The following NRG1 variants were observed in gnomAD, a reference collection of about 807,000 sequenced individuals.
NRG1 encodes pro-neuregulin-1, membrane-bound isoform.
A neutral mutation model predicts 63.8 loss-of-function variants in NRG1; 18 were observed. That is an observed-to-expected ratio of 0.28 (90% CI 0.19 to 0.42). NRG1 has a LOEUF of 0.42. Among genes scored for constraint, NRG1 ranks in the 10% least tolerant of loss-of-function variants. The probability of loss-of-function intolerance (pLI) is 1.00; values close to 1 mark genes in which losing one functional copy is unlikely to be tolerated. For synonymous variants in NRG1, 302 were observed against 301.3 expected (o/e 1.00, Z -0.02); for missense variants, 762 against 814.7 (o/e 0.94, Z 0.79).
intron 5 of NRG1, among the ~76,000 whole-genome samples, chr8:32,678,804 T>G (rs2128911372): frequency 6.6e-6 from 1 of 152,294 alleles, no homozygotes; most frequent in South Asian, 2.1e-4. Context: ...CCCAGACTAG[T>G]ACAAAAGTAA....
At chr8:32,525,388 A>AGGG (rs201620757) in intron 1 of NRG1, among the ~76,000 whole-genome samples, 2 of 114,222 alleles carry the variant, frequency 1.8e-5, no homozygotes, top group East Asian at 3.1e-4. Context: ...AGCATGAGGT[A>AGGG]GGGGTGTGTG....
At chr8:32,771,715 A>AAAAAAAAAT (rs1343943621), downstream of NRG1, among the ~76,000 whole-genome samples, 1,025 of 111,754 alleles carry the variant, frequency 9.2e-3, 16 homozygotes, top group East Asian at 0.067. Flanking sequence ...TTAAAAAAAA[A>AAAAAAAAAT]ATATATATAT....
chr8:32,458,612 A>C (rs1246030866), intron 1 of NRG1, among the ~76,000 whole-genome samples: 1 of 152,100 alleles, frequency 6.6e-6, no homozygotes, highest in Admixed American at 6.6e-5. Context: ...TATTTTCATC[A>C]TGTGTAGATA....
intron 5 of NRG1, among the ~76,000 whole-genome samples, chr8:32,717,082 TAA>T (rs1157334292): frequency 6.6e-6 from 1 of 152,114 alleles, no homozygotes; most frequent in African/African-American, 2.4e-5. Flanking sequence ...AGGCATAATG[TAA>T]AGTTAATTTA....
At chr8:31,916,083 C>T (rs1051370319) in intron 1 of NRG1, among the ~76,000 whole-genome samples, 2 of 151,856 alleles carry the variant, frequency 1.3e-5, no homozygotes, top group Non-Finnish European at 1.5e-5. Flanking sequence ...ATTTTGATAT[C>T]CCCCAAAGAA....
chr8:32,282,269 CCT>C (rs1563267172), intron 1 of NRG1, among the ~76,000 whole-genome samples: 1 of 152,086 alleles, frequency 6.6e-6, no homozygotes, highest in East Asian at 1.9e-4. Context: ...CTCTCCATCC[CCT>C]CTCTCTCTGT....
chr8:32,427,861 A>G (rs1000831935), intron 1 of NRG1, among the ~76,000 whole-genome samples: 1 of 152,244 alleles, frequency 6.6e-6, no homozygotes, highest in Non-Finnish European at 1.5e-5. Context: ...CAATATGAAC[A>G]GGGGCGGTTT....
At chr8:31,708,279 G>A (rs1177272809) in intron 1 of NRG1, among the ~76,000 whole-genome samples, 1 of 152,124 alleles carries the variant, frequency 6.6e-6, no homozygotes, top group Non-Finnish European at 1.5e-5. Context: ...CAGGAAACCA[G>A]AAGTGATGGC....
At chr8:31,645,105 C>T (rs1804167647) in intron 1 of NRG1, among the ~76,000 whole-genome samples, 1 of 152,044 alleles carries the variant, frequency 6.6e-6, no homozygotes, top group Admixed American at 6.5e-5. Context: ...AGTTTTCAAC[C>T]AATATATGAA....
intron 1 of NRG1, among the ~76,000 whole-genome samples, chr8:31,778,427 A>G (rs1463583056): frequency 6.6e-6 from 1 of 152,128 alleles, no homozygotes; most frequent in African/African-American, 2.4e-5. Context: ...TCTTGCTCTT[A>G]TCTGCATTTA....
intron 1 of NRG1, among the ~76,000 whole-genome samples, chr8:31,942,248 C>G (rs945106247): frequency 6.6e-6 from 1 of 151,922 alleles, no homozygotes; most frequent in Non-Finnish European, 1.5e-5. Flanking sequence ...ACTTACAGCC[C>G]ACTGATATTC....
intron 1 of NRG1, among the ~76,000 whole-genome samples, chr8:31,915,530 A>G (rs1050010744): frequency 1.3e-5 from 2 of 152,184 alleles, no homozygotes; most frequent in African/African-American, 4.8e-5. Flanking sequence ...GTTATGTCTT[A>G]GCTGAACTTG....
chr8:31,742,864 C>A (rs751679547), intron 1 of NRG1, among the ~76,000 whole-genome samples: 1 of 151,936 alleles, frequency 6.6e-6, no homozygotes, highest in African/African-American at 2.4e-5. Context: ...CATTTTCCTC[C>A]ATATGCTGTT....
intron 1 of NRG1, among the ~76,000 whole-genome samples, chr8:31,916,861 C>A (rs1833435074): frequency 6.6e-6 from 1 of 151,442 alleles, no homozygotes; most frequent in African/African-American, 2.4e-5. Flanking sequence ...TCCTCTCCAG[C>A]ACCTGTTCTT....
rs182203001 is a variant in NRG1, at chr8:32,301,181, A to C, written c.38-294647A>C. Among the ~76,000 whole-genome samples the C allele has an allele frequency of 3.3e-5, 5 of 152,354 alleles. No individual in the cohort carries two copies. In the East Asian group the frequency reaches 9.6e-4, roughly 29 times the overall value. On this transcript the variant is annotated intron_variant, in intron 1 of 10. Transcript: ENST00000519301. Reference sequence around the variant, plus strand: ...AGGGTCCTGTGCCTCAGTGAAGTTTAAAATTTAATTGAACTTCTAAATAAA... The same window carrying C: ...AGGGTCCTGTGCCTCAGTGAAGTTTCAAATTTAATTGAACTTCTAAATAAA...
chr8:32,215,431 C>T (rs911464330), intron 1 of NRG1, among the ~76,000 whole-genome samples: 2 of 152,130 alleles, frequency 1.3e-5, no homozygotes, highest in Non-Finnish European at 2.9e-5. Context: ...TGGAGAGCCA[C>T]GTGCTATGGT....
intron 1 of NRG1, among the ~76,000 whole-genome samples, chr8:32,449,503 G>T (rs570969144): frequency 2.0e-5 from 3 of 151,670 alleles, no homozygotes; most frequent in African/African-American, 7.3e-5. Context: ...ACTTCTTTGA[G>T]ATTTAAAAAC....
At chr8:31,778,484 G>A (rs1819370360) in intron 1 of NRG1, among the ~76,000 whole-genome samples, 1 of 152,136 alleles carries the variant, frequency 6.6e-6, no homozygotes, top group Non-Finnish European at 1.5e-5. Context: ...AACAGGGAGG[G>A]GAATTGTTTT....
chr8:32,388,465 G>T (rs1474138968), intron 1 of NRG1, among the ~76,000 whole-genome samples: 2 of 152,142 alleles, frequency 1.3e-5, no homozygotes, highest in Non-Finnish European at 2.9e-5. Flanking sequence ...ATAAATGCTT[G>T]CTGAATTAAT....
Sources: allele counts gnomAD v4.1 joint callset (sites outside exome capture counted in the v4.1 genomes callset), GRCh38; gene constraint gnomAD v4.1.1; transcripts MANE v1.5; gene names NCBI Gene and HGNC (gene_info 2026-07-23, HGNC 2026-07-21).